UGT1A8: variants seen among roughly 807,000 people sequenced by gnomAD.
The protein encoded by UGT1A8 is UDP glucuronosyltransferase family 1 member A8.
A neutral mutation model predicts 45.3 loss-of-function variants in UGT1A8; 39 were observed. That is an observed-to-expected ratio of 0.86 (90% CI 0.67 to 1.12). UGT1A8 has a LOEUF of 1.12. Ranked by LOEUF, UGT1A8 falls within the 50% of genes most tolerant of loss-of-function variation. UGT1A8 has a pLI of 0.00. For synonymous variants in UGT1A8, 275 were observed against 249.2 expected (o/e 1.10, Z -0.97); for missense variants, 719 against 664.9 (o/e 1.08, Z -0.90).
chr2:233,636,288 G>A (rs763779168), intron 1 of UGT1A8, among the ~76,000 whole-genome samples: 2 of 151,846 alleles, frequency 1.3e-5, no homozygotes, highest in Admixed American at 6.6e-5. Flanking sequence ...CCTCCAAGGC[G>A]AAGACCATAA....
intron 1 of UGT1A8, among the ~76,000 whole-genome samples, chr2:233,712,117 G>T (rs1456022041): frequency 6.6e-6 from 1 of 152,198 alleles, no homozygotes; most frequent in Non-Finnish European, 1.5e-5. Flanking sequence ...AAGCAGACTT[G>T]CAGAAGACTG....
At chr2:233,747,140 A>G (rs1693571344) in intron 1 of UGT1A8, 1 of 1,552,350 alleles carries the variant, frequency 6.4e-7, no homozygotes, top group Admixed American at 1.8e-5. Context: ...GTGACAAGGT[A>G]ATTAAGATGA....
chr2:233,660,398 G>T (rs941721741), intron 1 of UGT1A8, among the ~76,000 whole-genome samples: 1 of 152,124 alleles, frequency 6.6e-6, no homozygotes, highest in African/African-American at 2.4e-5. Flanking sequence ...GAATTCATGG[G>T]GTTCTGGATG....
At chr2:233,700,425 T>G (rs901501632) in intron 1 of UGT1A8, among the ~76,000 whole-genome samples, 10 of 152,144 alleles carry the variant, frequency 6.6e-5, no homozygotes, top group Non-Finnish European at 1.0e-4. Context: ...TAATAGATAA[T>G]TATCTAAAGA....
At chr2:233,730,753 G>T (rs115158591) in intron 1 of UGT1A8, among the ~76,000 whole-genome samples, 5 of 152,244 alleles carry the variant, frequency 3.3e-5, no homozygotes, top group African/African-American at 1.2e-4. Flanking sequence ...GAGGAGATAA[G>T]ACTGTGAATC....
chr2:233,656,923 C>CT (rs961609429), intron 1 of UGT1A8, among the ~76,000 whole-genome samples: 6,970 of 146,598 alleles, frequency 0.048, 492 homozygotes, highest in African/African-American at 0.16. Context: ...AGTTAAACAT[C>CT]TTTTTTTTTT....
intron 1 of UGT1A8, among the ~76,000 whole-genome samples, chr2:233,759,591 C>G (rs984696431): frequency 2.0e-5 from 3 of 147,100 alleles, no homozygotes; most frequent in East Asian, 2.0e-4. Flanking sequence ...GCACGCCCCC[C>G]ACCCCCGACC....
rs370873300 is a variant in UGT1A8, at chr2:233,657,727, T to G, written c.855+39165T>G. Among the ~76,000 whole-genome samples, 10 of 152,224 alleles carry G rather than the reference T, an allele frequency of 6.6e-5. No individual in the cohort carries two copies. The East Asian group carries it at 1.3e-3, about 20-fold the overall frequency. On this transcript the variant is annotated intron_variant, in intron 1 of 4. Transcript: ENST00000373450. ...AATGGGTATGTAAATTAAATTGCAA[T>G]TTTAATTTGATTTTCCTATTTAAAT...
intron 1 of UGT1A8, among the ~76,000 whole-genome samples, chr2:233,752,746 AAAAC>A (rs200752387): frequency 3.8e-4 from 58 of 152,306 alleles, no homozygotes; most frequent in East Asian, 2.5e-3. Context: ...CCCTGTCTCT[AAAAC>A]AAACAAACAA....
At chr2:233,664,541 C>A (rs1253420916) in intron 1 of UGT1A8, among the ~76,000 whole-genome samples, 1 of 152,186 alleles carries the variant, frequency 6.6e-6, no homozygotes, top group African/African-American at 2.4e-5. Context: ...TCTGGGGAAG[C>A]CTCAGGGAGT....
intron 1 of UGT1A8, among the ~76,000 whole-genome samples, chr2:233,727,867 C>G (rs1213003028): frequency 6.6e-6 from 1 of 152,194 alleles, no homozygotes; most frequent in Non-Finnish European, 1.5e-5. Context: ...AGGGAAGCCT[C>G]AGCCTCACCA....
Position 233,634,645 on chromosome 2 carries a change from C to G in UGT1A8, c.855+16083C>G, listed in dbSNP as rs973085665. On this transcript the variant is annotated intron_variant, in intron 1 of 4. Coordinates refer to ENST00000373450, the MANE Select transcript of UGT1A8 (RefSeq NM_019076.5). Reference sequence around the variant, plus strand: ...TGCAACCCCTGATTTTTTTTGCTTTCCATATGCTTGGTAAATATTCCTCTA... The same window carrying G: ...TGCAACCCCTGATTTTTTTTGCTTTGCATATGCTTGGTAAATATTCCTCTA... 4.6e-5 allele frequency among the ~76,000 whole-genome samples: 7 copies of G among 151,644 alleles called. No individual in the cohort carries two copies. The South Asian group carries it at 8.3e-4, about 18-fold the overall frequency.
At chr2:233,712,316 A>C (rs1308909918) in intron 1 of UGT1A8, among the ~76,000 whole-genome samples, 1 of 151,652 alleles carries the variant, frequency 6.6e-6, no homozygotes, top group Non-Finnish European at 1.5e-5. Context: ...ATCCTCAACA[A>C]AGCCTTTCCA....
rs185086181 is a variant in UGT1A8, at chr2:233,749,033, T to C, written c.856-18001T>C. Among the ~76,000 whole-genome samples, 300 of 151,916 alleles carry C rather than the reference T, an allele frequency of 2.0e-3. 2 individuals carry two copies. The highest frequency in any genetic ancestry group is 7.3e-3 in the Admixed American group (111 of 15,296). On this transcript the variant is annotated intron_variant, in intron 1 of 4. Coordinates refer to ENST00000373450, the MANE Select transcript of UGT1A8 (RefSeq NM_019076.5). Reference sequence around the variant, plus strand: ...TTTAATCCAGAATATTTGGGGTTCATTGATGTGGTACTCTGGGACCTGAAT... The same window carrying C: ...TTTAATCCAGAATATTTGGGGTTCACTGATGTGGTACTCTGGGACCTGAAT...
chr2:233,739,031 G>A (rs1340117619), intron 1 of UGT1A8: 1 of 152,236 alleles, frequency 6.6e-6, no homozygotes, highest in East Asian at 1.9e-4. Flanking sequence ...GGCTAAAAGG[G>A]GCCAAGGTAG....
chr2:233,751,391 A>G (rs1477667065), intron 1 of UGT1A8, among the ~76,000 whole-genome samples: 1 of 152,112 alleles, frequency 6.6e-6, no homozygotes, highest in African/African-American at 2.4e-5. Flanking sequence ...TGTCTCAGAT[A>G]AGACTTTGGA....
At chr2:233,626,994 T>A (rs2073096191) in intron 1 of UGT1A8, among the ~76,000 whole-genome samples, 2 of 152,070 alleles carry the variant, frequency 1.3e-5, no homozygotes, top group Non-Finnish European at 2.9e-5. Flanking sequence ...AAACTGTCAG[T>A]GGGTGTTGAT....
At chr2:233,643,202 C>A (rs1443731697) in intron 1 of UGT1A8, among the ~76,000 whole-genome samples, 1 of 152,178 alleles carries the variant, frequency 6.6e-6, no homozygotes, top group African/African-American at 2.4e-5. Context: ...GGACTAGAGT[C>A]AAAAACCTTA....
At chr2:233,741,248 A>G (rs997599929) in intron 1 of UGT1A8, among the ~76,000 whole-genome samples, 1 of 152,014 alleles carries the variant, frequency 6.6e-6, no homozygotes, top group East Asian at 1.9e-4. Context: ...TGACACTGGT[A>G]TGCCACTCTT....
Sources: gnomAD v4.1 joint callset for allele counts (sites outside exome capture counted in the v4.1 genomes callset) on GRCh38, gnomAD v4.1.1 for gene constraint, MANE v1.5 for transcripts, NCBI Gene and HGNC (gene_info 2026-07-23, HGNC 2026-07-21) for gene names.